The following TMEM248 variants were observed in gnomAD, a reference collection of about 807,000 sequenced individuals.
The protein encoded by TMEM248 is UPF0458 protein C7orf42.
Under a neutral mutation model 30.3 loss-of-function variants are expected in TMEM248, and 9 were observed. That is an observed-to-expected ratio of 0.30 (90% CI 0.18 to 0.52). The LOEUF (loss-of-function observed/expected upper bound fraction) is 0.52. Ranked by LOEUF, TMEM248 falls within the 20% of genes least tolerant of loss-of-function variation. The pLI is 0.97. For missense variants in TMEM248, 338 were observed against 403.3 expected, an observed-to-expected ratio of 0.84 and a Z score of 1.39; for synonymous variants, 184 against 154.4, an observed-to-expected ratio of 1.19 and a Z score of -1.42.
chr7:66,939,797 G>A (rs919447710), intron 1 of TMEM248, among the ~76,000 whole-genome samples: 3 of 148,336 alleles, frequency 2.0e-5, no homozygotes, highest in Non-Finnish European at 4.5e-5. Flanking sequence ...CAAAATCTCC[G>A]CTCTCGTTGG....
intron 1 of TMEM248, among the ~76,000 whole-genome samples, chr7:66,938,077 G>T (rs1191207170): frequency 1.3e-5 from 2 of 152,116 alleles, no homozygotes; most frequent in African/African-American, 2.4e-5. Flanking sequence ...TGTGTTTCTT[G>T]TAGGCAACAC....
At chr7:66,933,554 A>G (rs1363755787) in intron 1 of TMEM248, among the ~76,000 whole-genome samples, 1 of 152,222 alleles carries the variant, frequency 6.6e-6, no homozygotes. Flanking sequence ...CACTATTGAT[A>G]TGTATAGCCA....
chr7:66,925,790 C>T (rs1386856447), intron 1 of TMEM248, among the ~76,000 whole-genome samples: 2 of 150,914 alleles, frequency 1.3e-5, no homozygotes, highest in African/African-American at 4.9e-5. Flanking sequence ...TACAGGTGCA[C>T]GCCACCACGC....
At chr7:66,925,994 A>G (rs916129918) in intron 1 of TMEM248, among the ~76,000 whole-genome samples, 17 of 152,008 alleles carry the variant, frequency 1.1e-4, no homozygotes, top group Non-Finnish European at 2.4e-4. Flanking sequence ...GGCTGTACTA[A>G]TTTACATTCC....
Position 66,954,468 on chromosome 7 carries a change from A to G in TMEM248, c.925-1034A>G, listed in dbSNP as rs529523613. 9.4e-5 allele frequency among the ~76,000 whole-genome samples: 14 copies of G among 149,642 alleles called. 1 individual carries two copies. The South Asian group carries it at 2.5e-3, about 27-fold the overall frequency. On this transcript the variant is annotated intron_variant, in intron 6 of 6. Transcript: ENST00000341567. ...TGGTGCGATCGTAGCTCATGACTCA[A>G]TCATAGTTCACTGCAGCCTTGACCT...
chr7:66,940,572 T>C (rs1791920914), intron 1 of TMEM248, among the ~76,000 whole-genome samples: 1 of 152,156 alleles, frequency 6.6e-6, no homozygotes, highest in Non-Finnish European at 1.5e-5. Context: ...CTTGCAGACA[T>C]TGACAAGATG....
Position 66,953,365 on chromosome 7 carries a change from A to C in TMEM248, c.920A>C (p.Glu307Ala), listed in dbSNP as rs368624005. 121 of 1,613,868 alleles carry C rather than the reference A, an allele frequency of 7.5e-5. No homozygotes were observed. The highest frequency in any genetic ancestry group is 9.4e-5 in the Non-Finnish European group (111 of 1,179,898). Reference sequence around the variant, plus strand: ...CAGAGCAATCCTGAATTTTGTCCCGAGAAGGTGAGCGGTGGATGGGGTCCG... The same window carrying C: ...CAGAGCAATCCTGAATTTTGTCCCGCGAAGGTGAGCGGTGGATGGGGTCCG... ...LRQSNPEFCP[E>A]KVALAEA The change falls in exon 6 of 7, where the codon GAG becomes GCG. Residue 307 changes from glutamate to alanine, a missense_variant. Glu to Ala is a moderately radical substitution (Grantham distance 107). Transcript: ENST00000341567.
intron 2 of TMEM248, among the ~76,000 whole-genome samples, chr7:66,943,775 G>T (rs935301380): frequency 2.6e-5 from 4 of 151,632 alleles, no homozygotes; most frequent in African/African-American, 7.2e-5. Context: ...TACTGGGCTG[G>T]GTAGGGGTTG....
chr7:66,951,372 G>A, intron 5 of TMEM248: 1 of 381,832 alleles, frequency 2.6e-6, no homozygotes, highest in Non-Finnish European at 4.6e-6. Context: ...TTGTTCAGCA[G>A]CAGTTATTTC....
chr7:66,945,637 G>A (rs1792079651), intron 3 of TMEM248, among the ~76,000 whole-genome samples: 2 of 152,144 alleles, frequency 1.3e-5, no homozygotes, highest in Non-Finnish European at 2.9e-5. Flanking sequence ...ACTGTGCTAA[G>A]CTGCTGGGAA....
chr7:66,926,074 C>T (rs1198974461), intron 1 of TMEM248, among the ~76,000 whole-genome samples: 1 of 152,148 alleles, frequency 6.6e-6, no homozygotes, highest in African/African-American at 2.4e-5. Context: ...AAAAGTCATC[C>T]TGACAGGCGC....
chr7:66,951,030 C>T lies in TMEM248; in HGVS notation c.675C>T (p.Ala225=), dbSNP rs1429339029. 6 of 1,612,870 alleles carry T rather than the reference C, an allele frequency of 3.7e-6. No homozygotes were observed. The highest frequency in any genetic ancestry group is 1.7e-4 in the Middle Eastern group (1 of 6,058). ...WYKIFTTARD[A]NTKYAQDYNP... ...AGATCTTCACAACTGCCAGAGATGCCAACACAAAATACGCCCAAGATTACA... is the reference window on the plus strand; with the variant it reads ...AGATCTTCACAACTGCCAGAGATGCTAACACAAAATACGCCCAAGATTACA... Residue 225 remains alanine, a synonymous_variant, in exon 5 of 7, where the codon GCC becomes GCT. Coordinates refer to ENST00000341567, the MANE Select transcript of TMEM248 (RefSeq NM_017994.5).
intron 1 of TMEM248, among the ~76,000 whole-genome samples, chr7:66,940,379 T>G (rs1791916240): frequency 6.6e-6 from 1 of 152,106 alleles, no homozygotes; most frequent in African/African-American, 2.4e-5. Context: ...ATGAATAAAC[T>G]TAATAAAAGA....
chr7:66,947,229 A>C (rs564917340), intron 3 of TMEM248, among the ~76,000 whole-genome samples: 6 of 151,702 alleles, frequency 4.0e-5, no homozygotes, highest in Admixed American at 6.6e-5. Flanking sequence ...AAAAAAAAAA[A>C]AAAAAACAAG....
chr7:66,954,317 G>C (rs1792349601), intron 6 of TMEM248, among the ~76,000 whole-genome samples: 1 of 147,038 alleles, frequency 6.8e-6, no homozygotes, highest in South Asian at 2.2e-4. Context: ...TTTAAAACTT[G>C]TGTTATTTTT....
intron 3 of TMEM248, among the ~76,000 whole-genome samples, 171 bp downstream of exon 3, chr7:66,945,432 T>C (rs1213343700): frequency 6.6e-6 from 1 of 152,228 alleles, no homozygotes; most frequent in Non-Finnish European, 1.5e-5. Context: ...CGTTACATGG[T>C]AAAGTACCTG....
intron 1 of TMEM248, among the ~76,000 whole-genome samples, chr7:66,939,284 G>A (rs1791885687): frequency 6.6e-6 from 1 of 152,180 alleles, no homozygotes; most frequent in South Asian, 2.1e-4. Flanking sequence ...TGTACCTGTT[G>A]CAATGCGCTT....
intron 1 of TMEM248, among the ~76,000 whole-genome samples, chr7:66,929,029 CG>C (rs760318159): frequency 3.3e-5 from 5 of 152,112 alleles, no homozygotes; most frequent in Admixed American, 6.6e-5. Flanking sequence ...CTCAAGTGAT[CG>C]GCTGGCCTCA....
chr7:66,922,686 C>T (rs1351476800), intron 1 of TMEM248, among the ~76,000 whole-genome samples: 1 of 146,624 alleles, frequency 6.8e-6, no homozygotes, highest in Admixed American at 6.8e-5. Context: ...GCATCTGTGG[C>T]AAGGAGGAAA....
Sources: gnomAD v4.1 joint callset for allele counts (sites outside exome capture counted in the v4.1 genomes callset) on GRCh38, gnomAD v4.1.1 for gene constraint, MANE v1.5 for transcripts, NCBI Gene and HGNC (gene_info 2026-07-23, HGNC 2026-07-21) for gene names.